PDE10A: variants seen among roughly 807,000 people sequenced by gnomAD.
PDE10A encodes the protein phosphodiesterase 10A.
In PDE10A, 39 loss-of-function variants were observed where a neutral mutation model predicts 97.7. The ratio of observed to expected loss-of-function variants is 0.40; its 90% CI spans 0.31 to 0.52. PDE10A has a LOEUF of 0.52. Ranked by LOEUF, PDE10A falls within the 20% of genes least tolerant of loss-of-function variation. The probability of loss-of-function intolerance (pLI) is 0.56; values close to 1 mark genes in which losing one functional copy is unlikely to be tolerated. For synonymous variants in PDE10A, 371 were observed against 376.8 expected, an observed-to-expected ratio of 0.98 and a Z score of 0.18; for missense variants, 731 against 1,047.8, an observed-to-expected ratio of 0.70 and a Z score of 4.17.
chr6:165,676,733 G>A (rs543553397), intron 1 of PDE10A, among the ~76,000 whole-genome samples: 96 of 128,062 alleles, frequency 7.5e-4, no homozygotes, highest in African/African-American at 1.9e-3. Flanking sequence ...TGACTCACAC[G>A]ATCTGACTTT....
At chr6:165,453,536 T>G (rs1192641321) in intron 3 of PDE10A, among the ~76,000 whole-genome samples, 1 of 152,232 alleles carries the variant, frequency 6.6e-6, no homozygotes, top group Non-Finnish European at 1.5e-5. Context: ...CCTCAGCTTT[T>G]GCTGCCCAGG....
intron 1 of PDE10A, among the ~76,000 whole-genome samples, chr6:165,872,075 C>T (rs990726271): frequency 8.5e-5 from 13 of 152,102 alleles, no homozygotes; most frequent in Non-Finnish European, 1.8e-4. Context: ...GCATTTTTGC[C>T]TTTGCAAGGT....
intron 1 of PDE10A, among the ~76,000 whole-genome samples, chr6:165,579,489 T>C (rs1785493639): frequency 1.3e-5 from 2 of 152,194 alleles, no homozygotes; most frequent in Admixed American, 1.3e-4. Flanking sequence ...CTCACATCCA[T>C]ACCATTAAGC....
intron 1 of PDE10A, among the ~76,000 whole-genome samples, chr6:165,604,807 A>G (rs1175378018): frequency 6.6e-6 from 1 of 152,268 alleles, no homozygotes. Flanking sequence ...TGTGGATTTC[A>G]GTGTAGAAGA....
At chr6:165,987,939 CCT>C (rs1785275222) in exon 1 of PDE10A, 4 of 375,556 alleles carry the variant, frequency 1.1e-5, no homozygotes, top group South Asian at 8.0e-5. Context: ...CGGACTCAGA[CCT>C]CTCTCTTTAG....
At chr6:165,465,924 C>A (rs1010431185) in intron 3 of PDE10A, among the ~76,000 whole-genome samples, 9 of 151,690 alleles carry the variant, frequency 5.9e-5, no homozygotes, top group African/African-American at 2.2e-4. Flanking sequence ...AGAATGCTAG[C>A]ACAGATGACA....
intron 1 of PDE10A, among the ~76,000 whole-genome samples, chr6:165,658,570 G>A (rs1790079341): frequency 1.3e-5 from 2 of 152,126 alleles, no homozygotes; most frequent in South Asian, 4.1e-4. Context: ...ATCTCTGCAC[G>A]CCCTGCAGCC....
At chr6:165,657,725 A>G (rs1176720116) in intron 1 of PDE10A, among the ~76,000 whole-genome samples, 1 of 152,230 alleles carries the variant, frequency 6.6e-6, no homozygotes, top group Non-Finnish European at 1.5e-5. Context: ...CAGGTTTCTC[A>G]AAATTAAAAG....
In PDE10A at chr6:165,332,736, A is replaced by G. The variant is rs181395741; in HGVS notation, c.*289T>C. On this transcript the variant is annotated 3_prime_UTR_variant, in exon 22 of 22. Transcript: ENST00000539869. The stretch of plus-strand genomic sequence containing the variant: ...GTCCATTTCCTTTAAGGCCTCAGCA[A>G]TATTAGCCTATTAGAAAAGGCTGGT... 739 of 400,690 alleles carry G rather than the reference A, an allele frequency of 1.8e-3. 3 individuals carry two copies. Among genetic ancestry groups the G allele is most frequent in the Admixed American group, 3.2e-3 (75 of 23,082 alleles). 24.8% of individuals were successfully genotyped at this position (400,690 alleles called of 1,614,324 possible).
At chr6:165,894,703 T>G (rs1781897622) in intron 1 of PDE10A, 1 of 344,308 alleles carries the variant, frequency 2.9e-6, no homozygotes. Context: ...GAGGGTCACC[T>G]TTTAGGATGG....
intron 1 of PDE10A, among the ~76,000 whole-genome samples, chr6:165,901,998 A>G (rs556311904): frequency 2.5e-4 from 38 of 152,198 alleles, no homozygotes; most frequent in Non-Finnish European, 4.8e-4. Context: ...GTCCCAGTCC[A>G]TTATTAACTA....
chr6:165,881,257 T>C lies in PDE10A; in HGVS notation c.-615+106272A>G, dbSNP rs147023849. ...AATGTCAGCCCTTCAAAACCAGAAA[T>C]GTTTAAATAAATAACATCTAAACTC... On this transcript the variant is annotated intron_variant, in intron 1 of 19. Coordinates refer to the PDE10A transcript ENST00000366882. 5.5e-4 allele frequency among the ~76,000 whole-genome samples: 84 copies of C among 152,304 alleles called. 1 individual carries two copies. Among genetic ancestry groups the C allele is most frequent in the African/African-American group, 1.9e-3 (81 of 41,556 alleles).
At chr6:165,450,392 C>A in intron 3 of PDE10A, 30 bp from the exon 4 acceptor site, 1 of 1,391,364 alleles carries the variant, frequency 7.2e-7, no homozygotes, top group Non-Finnish European at 1.0e-6. Context: ...AAAATAAAAA[C>A]AGAGTTTAAA....
chr6:165,381,195 T>C (rs1332352543), intron 17 of PDE10A, among the ~76,000 whole-genome samples: 1 of 152,220 alleles, frequency 6.6e-6, no homozygotes, highest in East Asian at 1.9e-4. Context: ...AAAAGAGTTA[T>C]AAACTCACTG....
At chr6:165,534,729 A>C (rs910080178) in intron 2 of PDE10A, among the ~76,000 whole-genome samples, 4 of 152,100 alleles carry the variant, frequency 2.6e-5, no homozygotes, top group Admixed American at 2.0e-4. Context: ...CTGAAAAAGC[A>C]TTCAATAAAA....
chr6:165,836,487 C>T (rs1012113514), intron 1 of PDE10A, among the ~76,000 whole-genome samples: 16 of 152,332 alleles, frequency 1.1e-4, no homozygotes, highest in African/African-American at 3.8e-4. Flanking sequence ...CTATTCCAAA[C>T]AACATGCTCT....
At chr6:165,672,970 C>CT (rs1375051452) in intron 1 of PDE10A, among the ~76,000 whole-genome samples, 1 of 152,100 alleles carries the variant, frequency 6.6e-6, no homozygotes, top group Non-Finnish European at 1.5e-5. Flanking sequence ...GTTGCCAGTC[C>CT]TTTTTGGTTG....
chr6:165,848,091 T>C (rs1583185041), intron 1 of PDE10A, among the ~76,000 whole-genome samples: 1 of 760 alleles, frequency 1.3e-3, no homozygotes. Flanking sequence ...ATGCTAGCTA[T>C]TTTTTTTTTT....
chr6:165,333,303 A>G (rs1193076118), intron 21 of PDE10A, among the ~76,000 whole-genome samples, 176 bp from the exon 22 acceptor site: 1 of 152,144 alleles, frequency 6.6e-6, no homozygotes, highest in Non-Finnish European at 1.5e-5. Flanking sequence ...GCTGTTCAGG[A>G]AAGAGATTCA....
Sources: allele counts gnomAD v4.1 joint callset (sites outside exome capture counted in the v4.1 genomes callset), GRCh38; gene constraint gnomAD v4.1.1; transcripts MANE v1.5; gene names NCBI Gene and HGNC (gene_info 2026-07-23, HGNC 2026-07-21).